Variants in SMAD9 observed in about 807,000 individuals in gnomAD.
SMAD9 encodes SMAD family member 9.
Under a neutral mutation model 46.1 loss-of-function variants are expected in SMAD9, and 36 were observed. That is an observed-to-expected ratio of 0.78 (90% CI 0.60 to 1.03). The LOEUF (loss-of-function observed/expected upper bound fraction) is 1.03. Ranked by LOEUF, SMAD9 falls within the 50% of genes least tolerant of loss-of-function variation. The pLI, the probability that SMAD9 is intolerant of heterozygous loss-of-function variation, is 0.00. For missense variants in SMAD9, 572 were observed against 599.8 expected, an observed-to-expected ratio of 0.95 and a Z score of 0.48; for synonymous variants, 245 against 237.1, an observed-to-expected ratio of 1.03 and a Z score of -0.31.
intron 1 of SMAD9, among the ~76,000 whole-genome samples, chr13:36,908,072 G>C (rs1273812715): frequency 6.6e-6 from 1 of 152,194 alleles, no homozygotes; most frequent in Non-Finnish European, 1.5e-5. Context: ...GCCAATTAAT[G>C]TAAACATATC....
At chr13:36,918,164 A>C (rs1328144296) in intron 1 of SMAD9, among the ~76,000 whole-genome samples, 2 of 152,244 alleles carry the variant, frequency 1.3e-5, no homozygotes, top group East Asian at 3.8e-4. Context: ...AAGTTAAAAA[A>C]ATTTTTTAAA....
At chr13:36,852,911 G>A (rs2058086397) in intron 6 of SMAD9, among the ~76,000 whole-genome samples, 1 of 152,182 alleles carries the variant, frequency 6.6e-6, no homozygotes, top group Non-Finnish European at 1.5e-5. Flanking sequence ...CAAAAGTAAT[G>A]TGTAACAATT....
At chr13:36,893,705 TA>T (rs1220965924) in intron 1 of SMAD9, among the ~76,000 whole-genome samples, 1 of 151,738 alleles carries the variant, frequency 6.6e-6, no homozygotes, top group Non-Finnish European at 1.5e-5. Context: ...TCATTTAGTT[TA>T]AAAAGAAATA....
At chr13:36,908,461 T>C (rs756459106) in intron 1 of SMAD9, among the ~76,000 whole-genome samples, 1 of 152,222 alleles carries the variant, frequency 6.6e-6, no homozygotes, top group Non-Finnish European at 1.5e-5. Flanking sequence ...TTCAAATCAA[T>C]TGAAAAGTTC....
In SMAD9 at chr13:36,865,656, C is replaced by T. The variant is rs1048305319; in HGVS notation, c.884G>A (p.Ser295Asn). 9 of 1,614,124 alleles carry T rather than the reference C, an allele frequency of 5.6e-6. No homozygotes were observed. Among genetic ancestry groups the T allele is most frequent in the Non-Finnish European group, 7.6e-6 (9 of 1,179,980 alleles). The change falls in exon 5 of 7, where the codon AGT becomes AAT. Residue 295 changes from serine to asparagine, a missense_variant. Transcript: ENST00000379826. ...VGETFQASSR[S>N]VLIDGFTDPS... ...GTCGGTGAACCCATCTATGAGCACACTTCGGGAGGAAGCCTGGAATGTCTC... is the reference window on the plus strand; with the variant it reads ...GTCGGTGAACCCATCTATGAGCACATTTCGGGAGGAAGCCTGGAATGTCTC...
intron 1 of SMAD9, among the ~76,000 whole-genome samples, chr13:36,895,241 T>C (rs2058518749): frequency 6.6e-6 from 1 of 152,224 alleles, no homozygotes. Context: ...CGCTGTGATG[T>C]GGATATACCT....
chr13:36,876,423 T>A lies in SMAD9; in HGVS notation c.412+2855A>T, dbSNP rs559914514. Among the ~76,000 whole-genome samples, 32 of 152,332 alleles carry A rather than the reference T, an allele frequency of 2.1e-4. No homozygotes were observed. In the East Asian group the frequency reaches 5.6e-3, roughly 27 times the overall value. On this transcript the variant is annotated intron_variant, in intron 2 of 6. Coordinates refer to ENST00000379826, the MANE Select transcript of SMAD9 (RefSeq NM_001127217.3). ...TGCCAGGTAAAGTGTGTCTGAGGAC[T>A]GGGGACCCTTCACCAACTGTTGGGT...
chr13:36,866,849 T>C (rs1334461829), intron 4 of SMAD9, among the ~76,000 whole-genome samples: 2 of 152,170 alleles, frequency 1.3e-5, no homozygotes, highest in East Asian at 1.9e-4. Flanking sequence ...GCAACACTTA[T>C]CTAGACTATT....
rs1263723900 is a variant in SMAD9, at chr13:36,852,223, T to C, written c.1260+1196A>G. The C allele has an allele frequency of 6.8e-6, 6 of 883,060 alleles. No homozygotes were observed. In the African/African-American group the frequency reaches 9.1e-5, roughly 13 times the overall value. The allele number at this position is 883,060 out of a possible 1,614,324, so 54.7% of individuals were successfully genotyped here. A position where few individuals can be genotyped will look rare whatever the true frequency, so the allele number is the denominator to read the frequency against. On this transcript the variant is annotated intron_variant, in intron 6 of 6. Transcript: ENST00000379826. ...TGATAATAAAAACATAATTTGAGTA[T>C]AGAAAAATTATTTGTCATGGTAATT...
Position 36,848,427 on chromosome 13 carries a change from C to T in SMAD9, c.*249G>A, listed in dbSNP as rs1050834278. 2 of 532,264 alleles carry T rather than the reference C, an allele frequency of 3.8e-6. No individual in the cohort carries two copies. Among genetic ancestry groups the T allele is most frequent in the East Asian group, 3.4e-5 (1 of 29,548 alleles). The allele number at this position is 532,264 out of a possible 1,614,324, so 33.0% of individuals were successfully genotyped here. On this transcript the variant is annotated 3_prime_UTR_variant, in exon 7 of 7. Transcript: ENST00000379826. Reference sequence around the variant, plus strand: ...AAATACTGTTGACAATATCGCCTCTCAAGTGTTTCCTCCCACAAAATCTGC... The same window carrying T: ...AAATACTGTTGACAATATCGCCTCTTAAGTGTTTCCTCCCACAAAATCTGC...
Position 36,853,437 on chromosome 13 carries a change from G to C in SMAD9, c.1242C>G (p.Ile414Met), listed in dbSNP as rs1441758999. The C allele has an allele frequency of 1.2e-6, 2 of 1,614,042 alleles. No homozygotes were observed. The highest frequency in any genetic ancestry group is 1.7e-5 in the Admixed American group (1 of 60,014). The change falls in exon 6 of 7, where the codon ATC (isoleucine) becomes ATG (methionine). Residue 414 changes from isoleucine (I) to methionine (M), a missense_variant. Transcript: ENST00000379826. ...VVYELTKMCT[I>M]RMSFVKGWGA... Reference sequence around the variant, plus strand: ...TCCTTACCTTAACAAAACTCATCCGGATAGTACACATCTTGGTCAGTTCAT... The same window carrying C: ...TCCTTACCTTAACAAAACTCATCCGCATAGTACACATCTTGGTCAGTTCAT...
chr13:36,911,382 T>C (rs1288731031), intron 1 of SMAD9, among the ~76,000 whole-genome samples: 2 of 152,170 alleles, frequency 1.3e-5, no homozygotes, highest in Non-Finnish European at 2.9e-5. Flanking sequence ...ACTAACGCAA[T>C]ACAATAAATT....
chr13:36,873,298 G>A (rs1221805960), intron 2 of SMAD9, among the ~76,000 whole-genome samples: 5 of 152,130 alleles, frequency 3.3e-5, no homozygotes, highest in African/African-American at 7.2e-5. Context: ...TGATTGTTAC[G>A]TCTTTCTTTA....
At chr13:36,895,230 A>G (rs1476331985) in intron 1 of SMAD9, among the ~76,000 whole-genome samples, 1 of 152,180 alleles carries the variant, frequency 6.6e-6, no homozygotes, top group African/African-American at 2.4e-5. Flanking sequence ...ACTGTAAACA[A>G]CGCTGTGATG....
At chr13:36,897,989 T>C (rs1168344274) in intron 1 of SMAD9, among the ~76,000 whole-genome samples, 3 of 151,580 alleles carry the variant, frequency 2.0e-5, no homozygotes, top group African/African-American at 7.3e-5. Flanking sequence ...CCCGAGTAGC[T>C]AGGACTACAG....
intron 1 of SMAD9, among the ~76,000 whole-genome samples, chr13:36,894,682 T>C (rs950791681): frequency 6.6e-6 from 1 of 152,136 alleles, no homozygotes; most frequent in Non-Finnish European, 1.5e-5. Flanking sequence ...GTCACCTCCA[T>C]GGAGTCCTCC....
intron 1 of SMAD9, among the ~76,000 whole-genome samples, chr13:36,912,100 G>A (rs1195821224): frequency 6.6e-6 from 1 of 152,170 alleles, no homozygotes; most frequent in African/African-American, 2.4e-5. Flanking sequence ...CCATTTAAAA[G>A]CATGCAAACC....
At chr13:36,861,588 T>C (rs1433904723) in intron 5 of SMAD9, among the ~76,000 whole-genome samples, 1 of 149,282 alleles carries the variant, frequency 6.7e-6, no homozygotes, top group Non-Finnish European at 1.5e-5. Context: ...ATTGCTGGGA[T>C]TACAGGCATG....
At chr13:36,907,255 A>G (rs1030623954) in intron 1 of SMAD9, among the ~76,000 whole-genome samples, 3 of 152,300 alleles carry the variant, frequency 2.0e-5, no homozygotes, top group African/African-American at 7.2e-5. Flanking sequence ...AATGGGGACT[A>G]TTGTTTAAAT....
Sources: allele counts gnomAD v4.1 joint callset (sites outside exome capture counted in the v4.1 genomes callset), GRCh38; gene constraint gnomAD v4.1.1; transcripts MANE v1.5; gene names NCBI Gene and HGNC (gene_info 2026-07-23, HGNC 2026-07-21).